Variants in KCNQ1 observed in about 807,000 individuals in gnomAD.
The protein encoded by KCNQ1 is potassium voltage-gated channel subfamily KQT member 1.
A neutral mutation model predicts 72.4 loss-of-function variants in KCNQ1; 49 were observed. The observed-to-expected ratio is 0.68, with a 90% CI of 0.54 to 0.86. The LOEUF is 0.86. KCNQ1 is among the 40% of genes least tolerant of loss of function. The probability of loss-of-function intolerance (pLI) is 0.00; values close to 1 mark genes in which losing one functional copy is unlikely to be tolerated. For synonymous variants in KCNQ1, 450 were observed against 412.6 expected (o/e 1.09, Z -1.10); for missense variants, 790 against 945.1 (o/e 0.84, Z 2.15).
rs1271700251 is a variant in KCNQ1 at position 2,816,945 on chromosome 11, C to A, written c.1795-30822C>A. 6.6e-6 allele frequency among the ~76,000 whole-genome samples: 1 copy of A among 152,132 alleles called. No individual in the cohort carries two copies. Among genetic ancestry groups the A allele is most frequent in the Non-Finnish European group, 1.5e-5 (1 of 68,004 alleles). ...CCCTGGGCAGTGGCTGCCCCTCTGC[C>A]TCTGGAGGTCCCCTCCAAAACCTTG... On this transcript the variant is annotated intron_variant, in intron 15 of 15. Coordinates refer to ENST00000155840, the MANE Select transcript of KCNQ1 (RefSeq NM_000218.3). This position sits in a 1 kb window ranked among gnomAD's most constrained non-coding sequence, Gnocchi z 6.8.
chr11:2,648,820 C>A, intron 10 of KCNQ1: 1 of 398,408 alleles, frequency 2.5e-6, no homozygotes, highest in Non-Finnish European at 4.4e-6. Context: ...CCATCCCTAA[C>A]TATTATTGTA....
chr11:2,517,162 C>A (rs1847301645), intron 1 of KCNQ1, among the ~76,000 whole-genome samples: 1 of 152,198 alleles, frequency 6.6e-6, no homozygotes, highest in African/African-American at 2.4e-5. Context: ...GGCCAGCCCT[C>A]ATCCCCACTG....
In KCNQ1 at chr11:2,826,920, G is replaced by A. The variant is rs757094657; in HGVS notation, c.1795-20847G>A. Among the ~76,000 whole-genome samples the A allele has an allele frequency of 5.3e-5, 8 of 152,248 alleles. No individual in the cohort carries two copies. The highest frequency in any genetic ancestry group is 1.2e-4 in the Non-Finnish European group (8 of 68,032). Reference sequence around the variant, plus strand: ...GACAGGGAGGAAGAAAGCCAGGCAGGTGGCCCATGAGCCGTGGAGTAGGTG... The same window carrying A: ...GACAGGGAGGAAGAAAGCCAGGCAGATGGCCCATGAGCCGTGGAGTAGGTG... On this transcript the variant is annotated intron_variant, in intron 15 of 15. Coordinates refer to ENST00000155840, the MANE Select transcript of KCNQ1 (RefSeq NM_000218.3). This position sits in a 1 kb window ranked among gnomAD's most constrained non-coding sequence, Gnocchi z 4.2.
rs1590105929 is a variant in KCNQ1 at position 2,813,831 on chromosome 11, G to A, written c.1795-33936G>A. Among the ~76,000 whole-genome samples, 1 of 152,074 alleles carries A rather than the reference G, an allele frequency of 6.6e-6. No individual in the cohort carries two copies. Among genetic ancestry groups the A allele is most frequent in the East Asian group, 1.9e-4 (1 of 5,166 alleles). Reference sequence around the variant, plus strand: ...GCATTAATGAGTGTGAGTGAGTGGCGGATGAGTAGGTAGATGGACGGGGAG... The same window carrying A: ...GCATTAATGAGTGTGAGTGAGTGGCAGATGAGTAGGTAGATGGACGGGGAG... On this transcript the variant is annotated intron_variant, in intron 15 of 15. Coordinates refer to ENST00000155840, the MANE Select transcript of KCNQ1 (RefSeq NM_000218.3). This position sits in a 1 kb window ranked among gnomAD's most constrained non-coding sequence, Gnocchi z 4.4.
chr11:2,728,508 C>A (rs1055658829), intron 11 of KCNQ1, among the ~76,000 whole-genome samples: 4 of 152,252 alleles, frequency 2.6e-5, no homozygotes, highest in African/African-American at 9.6e-5. Context: ...GGCTTGCTAG[C>A]CTCCCGCCCA....
At chr11:2,793,275 A>G (rs1161076936) in intron 15 of KCNQ1, among the ~76,000 whole-genome samples, 1 of 152,204 alleles carries the variant, frequency 6.6e-6, no homozygotes, top group Admixed American at 6.5e-5. Context: ...TGGAAATTGC[A>G]CTAGCAGGGT....
At chr11:2,580,518 A>G (rs1413331881) in intron 6 of KCNQ1, among the ~76,000 whole-genome samples, 1 of 152,212 alleles carries the variant, frequency 6.6e-6, no homozygotes, top group African/African-American at 2.4e-5. Context: ...TCCCCAGAGG[A>G]CGGGGATCCC....
intron 15 of KCNQ1, among the ~76,000 whole-genome samples, chr11:2,793,468 T>TAAA (rs1847072757): frequency 9.5e-6 from 1 of 105,646 alleles, no homozygotes; most frequent in African/African-American, 3.0e-5. Flanking sequence ...AAAATAAAAA[T>TAAA]AAAAAATTAG....
chr11:2,696,847 T>C (rs1850684699), intron 11 of KCNQ1: 1 of 398,644 alleles, frequency 2.5e-6, no homozygotes, highest in African/African-American at 2.1e-5. Context: ...TGCTTTTTTT[T>C]AGTCAGTTGC....
rs1313051401 is a variant in KCNQ1, at chr11:2,815,706, G to C, written c.1795-32061G>C. On this transcript the variant is annotated intron_variant, in intron 15 of 15. Coordinates refer to ENST00000155840, the MANE Select transcript of KCNQ1 (RefSeq NM_000218.3). This position sits in a 1 kb window ranked among gnomAD's most constrained non-coding sequence, Gnocchi z 5.4. ...TGCAGGCAGAGGGGCAATTGGAAGA[G>C]GCTGGAGACTATTCAGGAGAGGGTG... Among the ~76,000 whole-genome samples, 1 of 152,064 alleles carries C rather than the reference G, an allele frequency of 6.6e-6. No individual in the cohort carries two copies. The highest frequency in any genetic ancestry group is 1.5e-5 in the Non-Finnish European group (1 of 67,994).
chr11:2,802,756 C>T (rs1183869528), intron 15 of KCNQ1, among the ~76,000 whole-genome samples: 3 of 152,144 alleles, frequency 2.0e-5, no homozygotes, highest in Admixed American at 2.0e-4. Flanking sequence ...CTGAAGACTG[C>T]GAGCTAGAGG....
Position 2,849,047 on chromosome 11 carries a change from A to T in KCNQ1, c.*1044A>T, listed in dbSNP as rs1164330115. 2.2e-6 allele frequency: 1 copy of T among 453,984 alleles called. No homozygotes were observed. The highest frequency in any genetic ancestry group is 2.0e-5 in the African/African-American group (1 of 49,990). The allele number at this position is 453,984 out of a possible 1,614,324, so 28.1% of individuals were successfully genotyped here. A position where few individuals can be genotyped will look rare whatever the true frequency, so the allele number is the denominator to read the frequency against. ...TCCTGGGGCATCCATGGGGTCTCTCACAGACAGGACCCCTGCAGTTCCCCT... is the reference window on the plus strand; with the variant it reads ...TCCTGGGGCATCCATGGGGTCTCTCTCAGACAGGACCCCTGCAGTTCCCCT... On this transcript the variant is annotated 3_prime_UTR_variant, in exon 16 of 16. Coordinates refer to ENST00000155840, the MANE Select transcript of KCNQ1 (RefSeq NM_000218.3).
chr11:2,709,218 A>C (rs1850963029), intron 11 of KCNQ1, among the ~76,000 whole-genome samples: 1 of 109,336 alleles, frequency 9.1e-6, no homozygotes, highest in African/African-American at 4.1e-5. Context: ...CACGGCTTCC[A>C]GGCCCCCCCC....
Position 2,669,182 on chromosome 11 carries a change from C to T in KCNQ1, c.1514+7101C>T. ...GTTGTTCTTTGTGGCCAGGACCTTGCTTCCTTCTCACTGTAGTTTGCTAAC... is the reference window on the plus strand; with the variant it reads ...GTTGTTCTTTGTGGCCAGGACCTTGTTTCCTTCTCACTGTAGTTTGCTAAC... On this transcript the variant is annotated intron_variant, in intron 11 of 15. Transcript: ENST00000155840. This position sits in a 1 kb window ranked among gnomAD's most constrained non-coding sequence, Gnocchi z 5.6. 2.5e-6 allele frequency: 1 copy of T among 398,690 alleles called. No individual in the cohort carries two copies. The highest frequency in any genetic ancestry group is 4.4e-6 in the Non-Finnish European group (1 of 226,094). 24.7% of individuals were successfully genotyped at this position (398,690 alleles called of 1,614,324 possible).
chr11:2,616,909 C>T (rs754075595), intron 10 of KCNQ1: 4 of 397,012 alleles, frequency 1.0e-5, no homozygotes, highest in Non-Finnish European at 1.8e-5. Context: ...TGGTATTGTT[C>T]AAGTCCTCTC....
At chr11:2,774,449 C>T (rs1590080361) in intron 12 of KCNQ1, among the ~76,000 whole-genome samples, 1 of 152,188 alleles carries the variant, frequency 6.6e-6, no homozygotes, top group African/African-American at 2.4e-5. Flanking sequence ...CAGGATCTCC[C>T]GTTCAGGGCC....
chr11:2,777,445 T>G, intron 14 of KCNQ1: 1 of 529,336 alleles, frequency 1.9e-6, no homozygotes, highest in Non-Finnish European at 3.3e-6. Flanking sequence ...AGCACCTGGC[T>G]GCAGCCTGGG....
rs765736249 is a variant in KCNQ1 at position 2,711,674 on chromosome 11, C to T, written c.1514+49593C>T. The stretch of plus-strand genomic sequence containing the variant: ...GGAGCTATTTCCCAGTCAGACCTCA[C>T]AATCGGTAAACTGTGCTTAAACTAA... On this transcript the variant is annotated intron_variant, in intron 11 of 15. Transcript: ENST00000155840. The surrounding 1 kb of genome is among the most constrained non-coding windows in gnomAD (Gnocchi z 5.4). Among the ~76,000 whole-genome samples, 1 of 152,206 alleles carries T rather than the reference C, an allele frequency of 6.6e-6. No homozygotes were observed. The highest frequency in any genetic ancestry group is 1.5e-5 in the Non-Finnish European group (1 of 68,040).
intron 2 of KCNQ1, among the ~76,000 whole-genome samples, chr11:2,570,203 G>A (rs754232925): frequency 5.3e-4 from 79 of 147,716 alleles, no homozygotes; most frequent in Non-Finnish European, 9.7e-4. Flanking sequence ...CCCAAGCTGG[G>A]GTTCCTGGCG....
Sources: gnomAD v4.1 joint callset for allele counts (sites outside exome capture counted in the v4.1 genomes callset) on GRCh38, gnomAD v4.1.1 for gene constraint, Gnocchi (gnomAD v3.1) non-coding constraint, MANE v1.5 for transcripts, NCBI Gene and HGNC (gene_info 2026-07-23, HGNC 2026-07-21) for gene names.